The following SULF2 variants were observed in gnomAD, a reference collection of about 807,000 sequenced individuals.
The protein encoded by SULF2 is extracellular sulfatase Sulf-2.
In SULF2, 52 loss-of-function variants were observed where a neutral mutation model predicts 107.7. The observed-to-expected ratio is 0.48, with a 90% CI of 0.39 to 0.61. SULF2 has a LOEUF of 0.61. Among genes scored for constraint, SULF2 ranks in the 20% least tolerant of loss-of-function variants. SULF2 has a pLI of 0.00. For synonymous variants in SULF2, 460 were observed against 464.3 expected (o/e 0.99, Z 0.12); for missense variants, 993 against 1,177.3 (o/e 0.84, Z 2.29).
At chr20:47,720,110 G>A (rs892264806) in intron 3 of SULF2, among the ~76,000 whole-genome samples, 2 of 152,120 alleles carry the variant, frequency 1.3e-5, no homozygotes, top group African/African-American at 2.4e-5. Flanking sequence ...CACCACGACC[G>A]GCTAATTTTG....
At chr20:47,698,992 T>C (rs1488352799) in intron 4 of SULF2, among the ~76,000 whole-genome samples, 1 of 152,088 alleles carries the variant, frequency 6.6e-6, no homozygotes, top group Non-Finnish European at 1.5e-5. Context: ...GATCATACCA[T>C]TGCACTCCAG....
chr20:47,752,727 G>A (rs973587285), intron 2 of SULF2, among the ~76,000 whole-genome samples: 2 of 151,954 alleles, frequency 1.3e-5, no homozygotes, highest in African/African-American at 4.8e-5. Context: ...TTCCATCCTG[G>A]GTGACAGAGC....
At chr20:47,738,915 G>A (rs547249871) in intron 2 of SULF2, among the ~76,000 whole-genome samples, 1 of 152,316 alleles carries the variant, frequency 6.6e-6, no homozygotes, top group South Asian at 2.1e-4. Flanking sequence ...CCCCAGGTGG[G>A]CCCTAAATCC....
intron 3 of SULF2, among the ~76,000 whole-genome samples, chr20:47,711,146 C>A (rs2088913855): frequency 1.3e-5 from 2 of 152,236 alleles, no homozygotes; most frequent in Admixed American, 1.3e-4. Context: ...CCACCTCTCC[C>A]TGCTGCAGAC....
chr20:47,753,376 T>A (rs2090206000), intron 2 of SULF2, among the ~76,000 whole-genome samples: 1 of 152,208 alleles, frequency 6.6e-6, no homozygotes, highest in Non-Finnish European at 1.5e-5. Context: ...AAAGTTCTTC[T>A]CTTTTCTAGT....
chr20:47,693,649 T>C (rs564304531), intron 4 of SULF2, among the ~76,000 whole-genome samples: 1 of 152,236 alleles, frequency 6.6e-6, no homozygotes, highest in East Asian at 1.9e-4. Context: ...TTATAAAAAG[T>C]CTAAGGACAC....
intron 7 of SULF2, 78 bp downstream of exon 7, chr20:47,682,916 T>G: frequency 7.1e-7 from 1 of 1,412,648 alleles, no homozygotes; most frequent in Non-Finnish European, 9.5e-7. Context: ...CAGGGTGGGC[T>G]TGGGTTTGGG....
intron 2 of SULF2, among the ~76,000 whole-genome samples, chr20:47,743,159 G>A (rs1027677580): frequency 4.6e-5 from 7 of 152,034 alleles, no homozygotes; most frequent in African/African-American, 1.7e-4. Flanking sequence ...GGCCTCCTAG[G>A]GAAAGCAGCA....
chr20:47,755,583 A>T (rs889593487), intron 2 of SULF2, among the ~76,000 whole-genome samples: 2 of 152,178 alleles, frequency 1.3e-5, no homozygotes, highest in African/African-American at 4.8e-5. Flanking sequence ...TTTCCCAAAT[A>T]TACATCAGGT....
intron 3 of SULF2, among the ~76,000 whole-genome samples, chr20:47,704,058 G>C (rs1346919003): frequency 1.3e-5 from 2 of 152,174 alleles, no homozygotes; most frequent in Admixed American, 6.5e-5. Flanking sequence ...TGATGATCTT[G>C]TTCTATTTCT....
At position 47,723,665 on chromosome 20, in the gene SULF2, G is replaced by A. The variant is rs191069722; in HGVS notation, c.415+13038C>T. On this transcript the variant is annotated intron_variant, in intron 3 of 20. Coordinates refer to ENST00000688720, the MANE Select transcript of SULF2 (RefSeq NM_001387048.1). ...GAACCCCGTTGTGAACTGTGCATGC[G>A]GGGGATCTAGGTTGTGCACTCCTTA... Among the ~76,000 whole-genome samples, 67 of 152,274 alleles carry A rather than the reference G, an allele frequency of 4.4e-4. 1 individual carries two copies. The highest frequency in any genetic ancestry group is 1.3e-3 in the African/African-American group (54 of 41,556).
chr20:47,675,723 C>T (rs1448882173), intron 10 of SULF2, among the ~76,000 whole-genome samples: 2 of 152,046 alleles, frequency 1.3e-5, no homozygotes, highest in Admixed American at 6.5e-5. Context: ...GGCAGAGTTT[C>T]CATCCCACTC....
In SULF2 at chr20:47,661,995, G is replaced by A. The variant is rs948215332; in HGVS notation, c.2371-99C>T. 7.8e-6 allele frequency: 10 copies of A among 1,283,762 alleles called. No homozygotes were observed. In the South Asian group the frequency reaches 1.6e-4, roughly 21 times the overall value. The allele number at this position is 1,283,762 out of a possible 1,614,324, so 79.5% of individuals were successfully genotyped here. ...GACATATTTCAGGCAGGTGGCGGGT[G>A]GAAGGTGCTAGGGGCTGGTGACCTG... On this transcript the variant is annotated intron_variant, in intron 17 of 20. Transcript: ENST00000688720.
In SULF2 at chr20:47,666,175, T is replaced by A; in HGVS notation, c.1805+85A>T. The A allele has an allele frequency of 6.2e-7, 1 of 1,607,972 alleles. No homozygotes were observed. Among genetic ancestry groups the A allele is most frequent in the Non-Finnish European group, 8.5e-7 (1 of 1,179,012 alleles). ...GTCCCCACCATCCTTGTCATCTTGG[T>A]CCTCAGGGGCCCAAGAGGTGTGGGA... On this transcript the variant is annotated intron_variant, in intron 12 of 20. Transcript: ENST00000688720. This position sits in a 1 kb window ranked among gnomAD's most constrained non-coding sequence, Gnocchi z 5.4.
At chr20:47,740,777 C>A (rs1428752430) in intron 2 of SULF2, among the ~76,000 whole-genome samples, 1 of 152,140 alleles carries the variant, frequency 6.6e-6, no homozygotes, top group Non-Finnish European at 1.5e-5. Context: ...AAAACCCGGA[C>A]CTGACATCCC....
At chr20:47,774,845 A>C (rs1173145296) in intron 1 of SULF2, among the ~76,000 whole-genome samples, 1 of 152,100 alleles carries the variant, frequency 6.6e-6, no homozygotes, top group African/African-American at 2.4e-5. Flanking sequence ...AGACTTTCTT[A>C]CCATGTCCCC....
At chr20:47,728,312 A>G (rs2089501942) in intron 3 of SULF2, among the ~76,000 whole-genome samples, 1 of 152,160 alleles carries the variant, frequency 6.6e-6, no homozygotes, top group Admixed American at 6.5e-5. Flanking sequence ...GAAGGCTGCC[A>G]TTGTGAAGGC....
intron 2 of SULF2, among the ~76,000 whole-genome samples, chr20:47,745,394 AAAAAAAAAAAAAAAAAATATATAT>A (rs1217637460): frequency 4.9e-4 from 9 of 18,250 alleles, no homozygotes; most frequent in Admixed American, 4.3e-3. Context: ...AAAAAAAAAA[AAAAAAAAAAAAAAAAAATATATAT>A]ATATATATAT....
rs373298444 is a variant in SULF2, at chr20:47,672,205, G to C, written c.1569C>G (p.Phe523Leu). 10 of 1,607,254 alleles carry C rather than the reference G, an allele frequency of 6.2e-6. No individual in the cohort carries two copies. In the East Asian group the frequency reaches 2.0e-4, roughly 32 times the overall value. The change falls in exon 11 of 21, where the codon TTC (phenylalanine) becomes TTG (leucine). Residue 523 changes from phenylalanine (F) to leucine (L), a missense_variant. This residue lies in a region of SULF2 where 497 missense variants were observed against 544.1 expected (regional missense o/e 0.91). Coordinates refer to ENST00000688720, the MANE Select transcript of SULF2 (RefSeq NM_001387048.1). ...LSLAGRRKKL[F>L]KKKYKASYVR... ...CCAGGTTGTGACACTTACTCTTCTT[G>C]AAGAGTTTTTTCCGGCGTCCGGCCA...
Sources: gnomAD v4.1 joint callset for allele counts (sites outside exome capture counted in the v4.1 genomes callset) on GRCh38, gnomAD v4.1.1 for gene constraint, gnomAD v4.1.1 regional missense constraint, Gnocchi (gnomAD v3.1) non-coding constraint, MANE v1.5 for transcripts, NCBI Gene and HGNC (gene_info 2026-07-23, HGNC 2026-07-21) for gene names.